Variants in TENM3 observed in about 807,000 individuals in gnomAD.
TENM3 encodes the protein teneurin transmembrane protein 3, also known as teneurin-3.
Under a neutral mutation model 255.1 loss-of-function variants are expected in TENM3, and 63 were observed. The ratio of observed to expected loss-of-function variants is 0.25; its 90% CI spans 0.20 to 0.30. The LOEUF (loss-of-function observed/expected upper bound fraction) is 0.30. TENM3 is among the 10% of genes least tolerant of loss of function. TENM3 has a pLI of 1.00. For missense variants in TENM3, 2,929 were observed against 3,461.1 expected (o/e 0.85, Z 3.86); for synonymous variants, 1,306 against 1,322.3 (o/e 0.99, Z 0.27).
At chr4:181,681,064 T>G in the TENM3 span, among the ~76,000 whole-genome samples, 1 of 152,036 alleles carries the variant, frequency 6.6e-6, no homozygotes, top group Non-Finnish European at 1.5e-5. Context: ...TATACATTCT[T>G]TTAGCTAATA....
chr4:182,282,251 A>G (rs1300311534), intron 1 of TENM3, among the ~76,000 whole-genome samples: 1 of 152,176 alleles, frequency 6.6e-6, no homozygotes, highest in Non-Finnish European at 1.5e-5. Context: ...GCCCAACCCC[A>G]AACATTAGGA....
intron 1 of TENM3, among the ~76,000 whole-genome samples, chr4:182,201,734 C>G (rs1285715851): frequency 6.6e-6 from 1 of 152,154 alleles, no homozygotes; most frequent in African/African-American, 2.4e-5. Context: ...ACAAAATACA[C>G]ATAGCATTCG....
At chr4:181,479,688 T>A in the TENM3 span, among the ~76,000 whole-genome samples, 1 of 152,294 alleles carries the variant, frequency 6.6e-6, no homozygotes, top group Non-Finnish European at 1.5e-5. Flanking sequence ...TTGTCCTACC[T>A]TGTTGATACT....
At chr4:182,774,879 A>G in intron 23 of TENM3, 39 bp from the exon 24 acceptor site, 2 of 1,451,322 alleles carry the variant, frequency 1.4e-6, no homozygotes, top group Middle Eastern at 1.7e-4. Flanking sequence ...TATTTAATCC[A>G]TATCTAATAG....
intron 3 of TENM3, among the ~76,000 whole-genome samples, chr4:182,384,202 C>T (rs1767751997): frequency 6.6e-6 from 1 of 152,182 alleles, no homozygotes; most frequent in South Asian, 2.1e-4. Context: ...ACATATACTA[C>T]TCACATGTGA....
intron 3 of TENM3, among the ~76,000 whole-genome samples, chr4:182,447,985 C>T (rs1263622808): frequency 1.3e-5 from 2 of 152,162 alleles, no homozygotes; most frequent in African/African-American, 4.8e-5. Flanking sequence ...TTAAGTGATG[C>T]AATGTTGAAG....
chr4:182,675,746 C>A (rs1322195922), intron 7 of TENM3, among the ~76,000 whole-genome samples: 1 of 152,104 alleles, frequency 6.6e-6, no homozygotes, highest in Non-Finnish European at 1.5e-5. Context: ...CTTACAAATT[C>A]TAGAAAATAA....
chr4:182,285,232 A>C (rs1760657814), intron 1 of TENM3, among the ~76,000 whole-genome samples: 1 of 152,072 alleles, frequency 6.6e-6, no homozygotes, highest in Admixed American at 6.6e-5. Context: ...ATGAAAATTC[A>C]GTATACCTAG....
the TENM3 span, among the ~76,000 whole-genome samples, chr4:181,851,817 C>A: frequency 1.3e-5 from 2 of 152,148 alleles, no homozygotes; most frequent in African/African-American, 4.8e-5. Flanking sequence ...GAATTCTAAA[C>A]CTTGCTCAGA....
At chr4:182,434,081 T>C (rs1320923725) in intron 3 of TENM3, among the ~76,000 whole-genome samples, 1 of 150,420 alleles carries the variant, frequency 6.6e-6, no homozygotes, top group African/African-American at 2.5e-5. Context: ...ACCATTGCAA[T>C]CTAGCCTGGG....
At chr4:181,661,178 A>G in the TENM3 span, among the ~76,000 whole-genome samples, 2 of 152,174 alleles carry the variant, frequency 1.3e-5, no homozygotes, top group African/African-American at 2.4e-5. Flanking sequence ...TTAATGGCAT[A>G]AAAACTGACT....
chr4:181,921,430 T>A, the TENM3 span, among the ~76,000 whole-genome samples: 1 of 152,212 alleles, frequency 6.6e-6, no homozygotes, highest in Non-Finnish European at 1.5e-5. Context: ...TTTGTAGTTC[T>A]CCTTGAAGAG....
intron 1 of TENM3, among the ~76,000 whole-genome samples, chr4:182,285,138 C>G (rs1760653339): frequency 6.6e-6 from 1 of 151,994 alleles, no homozygotes; most frequent in African/African-American, 2.4e-5. Context: ...CTTTCCAACG[C>G]TTTGATGTTA....
At chr4:182,315,025 G>A (rs1257141164) in intron 1 of TENM3, among the ~76,000 whole-genome samples, 1 of 152,040 alleles carries the variant, frequency 6.6e-6, no homozygotes, top group African/African-American at 2.4e-5. Flanking sequence ...CGTGATATTA[G>A]GTCACTTCAC....
At chr4:181,497,289 G>A in the TENM3 span, among the ~76,000 whole-genome samples, 1 of 152,120 alleles carries the variant, frequency 6.6e-6, no homozygotes, top group Non-Finnish European at 1.5e-5. Flanking sequence ...TCCCTCATCA[G>A]CGAAGTTATA....
intron 1 of TENM3, among the ~76,000 whole-genome samples, chr4:182,195,156 A>G (rs1174800022): frequency 6.6e-6 from 1 of 152,110 alleles, no homozygotes; most frequent in Non-Finnish European, 1.5e-5. Flanking sequence ...GGCATATAAC[A>G]TGAGCAACCT....
intron 1 of TENM3, among the ~76,000 whole-genome samples, chr4:182,320,003 T>C (rs751011108): frequency 3.9e-5 from 6 of 151,964 alleles, no homozygotes; most frequent in Non-Finnish European, 8.8e-5. Context: ...ATCCCAGCTA[T>C]TTGGGAGGCT....
At chr4:182,579,966 T>G (rs1745326307) in intron 3 of TENM3, among the ~76,000 whole-genome samples, 2 of 152,138 alleles carry the variant, frequency 1.3e-5, no homozygotes, top group Non-Finnish European at 2.9e-5. Context: ...GAGTATGACA[T>G]TTTGGTCCTT....
the TENM3 span, among the ~76,000 whole-genome samples, chr4:181,743,940 A>C: frequency 6.6e-6 from 1 of 152,080 alleles, no homozygotes; most frequent in African/African-American, 2.4e-5. Flanking sequence ...CCCAGTATCC[A>C]TTAGTGATTC....
Sources: allele counts gnomAD v4.1 joint callset (sites outside exome capture counted in the v4.1 genomes callset), GRCh38; gene constraint gnomAD v4.1.1; transcripts MANE v1.5; gene names NCBI Gene and HGNC (gene_info 2026-07-23, HGNC 2026-07-21).